Variants in U2AF1L4 observed in about 807,000 individuals in gnomAD.
The protein encoded by U2AF1L4 is splicing factor U2AF 26 kDa subunit.
A neutral mutation model predicts 21.7 loss-of-function variants in U2AF1L4; 21 were observed. The observed-to-expected ratio is 0.97, with a 90% CI of 0.69 to 1.39. U2AF1L4 has a LOEUF of 1.39. U2AF1L4 is among the 40% of genes most tolerant of loss of function. The pLI is 0.00. For synonymous variants in U2AF1L4, 92 were observed against 89.7 expected, an observed-to-expected ratio of 1.03 and a Z score of -0.15; for missense variants, 259 against 245.7, an observed-to-expected ratio of 1.05 and a Z score of -0.36.
intron 5 of U2AF1L4, 141 bp downstream of exon 5, chr19:35,743,668 C>T: frequency 2.6e-6 from 2 of 756,542 alleles, no homozygotes; most frequent in Non-Finnish European, 4.1e-6. Context: ...GCCTGGGCAA[C>T]AGAGTGAGGC....
rs1388881305 is a variant in U2AF1L4 at position 35,742,545 on chromosome 19, A to C, written c.*174T>G. On this transcript the variant is annotated 3_prime_UTR_variant, in exon 6 of 6. Transcript: ENST00000378975. ...AAGCAAGTTGATGCCGAAGTGAAAC[A>C]CGCAGCTTTATTAAGACAGGGGCGG... 6.2e-7 allele frequency: 1 copy of C among 1,612,526 alleles called. No homozygotes were observed. Among genetic ancestry groups the C allele is most frequent in the East Asian group, 2.2e-5 (1 of 44,868 alleles).
intron 5 of U2AF1L4, chr19:35,743,083 T>C: frequency 2.0e-6 from 1 of 507,884 alleles, no homozygotes; most frequent in Non-Finnish European, 3.5e-6. Context: ...TATAAGAGTC[T>C]TGGGAATGAC....
At chr19:35,745,037 C>A in intron 2 of U2AF1L4, 88 bp downstream of exon 2, 2 of 1,356,004 alleles carry the variant, frequency 1.5e-6, no homozygotes, top group Non-Finnish European at 1.0e-6. Context: ...ACTCAGGAAC[C>A]CGGAATAGGC....
At chr19:35,744,675 G>T (rs1411439739) in intron 2 of U2AF1L4, 3 of 1,536,098 alleles carry the variant, frequency 2.0e-6, no homozygotes, top group Non-Finnish European at 2.6e-6. Context: ...TCCGGTACAG[G>T]TTGAGCAGCA....
At position 35,744,149 on chromosome 19, in the gene U2AF1L4, C is replaced by G; in HGVS notation, c.232-4G>C. On this transcript the variant is annotated splice_polypyrimidine_tract_variant and splice_region_variant and intron_variant, in intron 3 of 5. Transcript: ENST00000378975. Reference sequence around the variant, plus strand: ...CTCCATCCTCCTCCCTCCGGAACTGCAGGAAATGTCAGTCAGGGTCAGCAG... The same window carrying G: ...CTCCATCCTCCTCCCTCCGGAACTGGAGGAAATGTCAGTCAGGGTCAGCAG... 1.9e-6 allele frequency: 3 copies of G among 1,613,266 alleles called. No homozygotes were observed. Among genetic ancestry groups the G allele is most frequent in the Non-Finnish European group, 2.5e-6 (3 of 1,179,602 alleles).
rs777637251 is a variant in U2AF1L4, at chr19:35,744,024, T to G, written c.353A>C (p.Gln118Pro). The G allele has an allele frequency of 6.2e-7, 1 of 1,613,880 alleles. No individual in the cohort carries two copies. The highest frequency in any genetic ancestry group is 1.3e-5 in the African/African-American group (1 of 74,900). Reference protein sequence around the residue: ...VTDFRESCCRQYEMGECTRGG... With the variant: ...VTDFRESCCRPYEMGECTRGG... ...TGAACTACCATACCCCATCTCATAC[T>G]GGCGACAGCATGACTCCCGGAAGTC... Residue 118 changes from glutamine to proline, a missense_variant, in exon 4 of 6, where the codon CAG (glutamine) becomes CCG (proline). Physicochemically the swap from Gln to Pro is moderately conservative, Grantham distance 76 (BLOSUM62 -1). Transcript: ENST00000378975.
At chr19:35,744,777 G>GA in intron 2 of U2AF1L4, 1 of 1,440,564 alleles carries the variant, frequency 6.9e-7, no homozygotes, top group South Asian at 1.2e-5. Context: ...GTTGGGGGTG[G>GA]AACCTTACAC....
At chr19:35,743,612 G>T (rs574750468) in intron 5 of U2AF1L4, 197 bp downstream of exon 5, 4 of 614,276 alleles carry the variant, frequency 6.5e-6, no homozygotes, top group South Asian at 1.8e-5. Flanking sequence ...GCTTGAACCC[G>T]GGAGGCGGAA....
In U2AF1L4 at chr19:35,745,190, T is replaced by G; in HGVS notation, c.67A>C (p.Lys23Gln). 1 of 1,613,606 alleles carries G rather than the reference T, an allele frequency of 6.2e-7. No individual in the cohort carries two copies. The highest frequency in any genetic ancestry group is 8.5e-7 in the Non-Finnish European group (1 of 1,179,960). Residue 23 changes from lysine (K) to glutamine (Q), a missense_variant, in exon 2 of 6, where the codon AAG (lysine) becomes CAG (glutamine). By Grantham distance (53) the Lys-to-Gln change is moderately conservative (BLOSUM62 1). Transcript: ENST00000378975. ...TCCCCGTGCCGGCAGACCCCGATCT[T>G]AAAGTAAAAAGAGCAGTTAACCCTG... Reference protein sequence around the residue: ...KDKVNCSFYFKIGVCRHGDRC... With the variant: ...KDKVNCSFYFQIGVCRHGDRC...
chr19:35,743,809 C>G lies in U2AF1L4; in HGVS notation c.461G>C (p.Arg154Thr). Residue 154 changes from arginine to threonine, a missense_variant and splice_region_variant, in exon 5 of 6, where the codon AGG becomes ACG. Physicochemically the swap from Arg to Thr is moderately conservative, Grantham distance 71. Coordinates refer to ENST00000378975, the MANE Select transcript of U2AF1L4 (RefSeq NM_001040425.3). ...RQLYGRGPRR[R>T]SPPRFHTGHH... Reference sequence around the variant, plus strand: ...ACATAGCAGGCTGGTCCTGAGGTACCTGCGCCTGGGTCCCCGCCCATAGAG... The same window carrying G: ...ACATAGCAGGCTGGTCCTGAGGTACGTGCGCCTGGGTCCCCGCCCATAGAG... The G allele has an allele frequency of 6.2e-7, 1 of 1,608,152 alleles. No individual in the cohort carries two copies. The highest frequency in any genetic ancestry group is 8.5e-7 in the Non-Finnish European group (1 of 1,177,316).
intron 2 of U2AF1L4, chr19:35,744,698 C>G: frequency 6.5e-7 from 1 of 1,536,020 alleles, no homozygotes; most frequent in South Asian, 1.2e-5. Context: ...ATGGTCTGCA[C>G]AGAATTTAAA....
At chr19:35,743,394 A>AC (rs1568396114) in intron 5 of U2AF1L4, 5 of 211,862 alleles carry the variant, frequency 2.4e-5, no homozygotes, top group South Asian at 1.5e-4. Context: ...AAAAAAAAAA[A>AC]AAAAAAAAAC....
intron 5 of U2AF1L4, 156 bp from the exon 6 acceptor site, chr19:35,742,959 T>A (rs1448933196): frequency 1.9e-5 from 14 of 728,780 alleles, no homozygotes; most frequent in Non-Finnish European, 3.2e-5. Flanking sequence ...GGGAACTCAG[T>A]GGCCAGTATC....
In U2AF1L4 at chr19:35,744,003, C is replaced by T. The variant is rs375066527; in HGVS notation, c.365+9G>A. ...TCCAAGTGCCCATCCCACCCTTGAA[C>T]TACCATACCCCATCTCATACTGGCG... On this transcript the variant is annotated intron_variant, in intron 4 of 5. Transcript: ENST00000378975. 3 of 1,611,842 alleles carry T rather than the reference C, an allele frequency of 1.9e-6. No homozygotes were observed. Among genetic ancestry groups the T allele is most frequent in the African/African-American group, 2.7e-5 (2 of 74,874 alleles).
chr19:35,742,689 T>C lies in U2AF1L4; in HGVS notation c.*30A>G, dbSNP rs773171547. The C allele has an allele frequency of 6.2e-7, 1 of 1,611,796 alleles. No individual in the cohort carries two copies. The highest frequency in any genetic ancestry group is 1.3e-5 in the African/African-American group (1 of 74,624). ...GTCCTGCCAGGAACATCTGTCCCTG[T>C]TGGGGGTGAAGGGTAAGGGGGCCAG... On this transcript the variant is annotated 3_prime_UTR_variant, in exon 6 of 6. Coordinates refer to ENST00000378975, the MANE Select transcript of U2AF1L4 (RefSeq NM_001040425.3).
At chr19:35,744,774 G>A (rs940911935) in intron 2 of U2AF1L4, 5 of 1,488,686 alleles carry the variant, frequency 3.4e-6, no homozygotes, top group Non-Finnish European at 4.5e-6. Flanking sequence ...AAGGTTGGGG[G>A]TGGAACCTTA....
At chr19:35,745,300 AC>A in intron 1 of U2AF1L4, 47 bp downstream of exon 1, 1 of 1,560,196 alleles carries the variant, frequency 6.4e-7, no homozygotes, top group Non-Finnish European at 8.8e-7. Flanking sequence ...GGACCCCAGT[AC>A]CCCGGCCCCG....
chr19:35,744,548 G>A (rs572402483), intron 2 of U2AF1L4, 127 bp from the exon 3 acceptor site: 1 of 1,580,560 alleles, frequency 6.3e-7, no homozygotes, highest in South Asian at 1.1e-5. Context: ...GACCTGGGGT[G>A]GGGGCGGGCA....
intron 2 of U2AF1L4, chr19:35,744,687 T>A: frequency 2.0e-6 from 3 of 1,536,100 alleles, no homozygotes; most frequent in Non-Finnish European, 2.6e-6. Context: ...TGAGCAGCAC[T>A]ATGGTCTGCA....
Sources: gnomAD v4.1 joint callset for allele counts on GRCh38, gnomAD v4.1.1 for gene constraint, MANE v1.5 for transcripts, NCBI Gene and HGNC (gene_info 2026-07-23, HGNC 2026-07-21) for gene names.